Variants in FRY observed in about 807,000 individuals in gnomAD.
FRY encodes FRY microtubule binding protein.
FRY carries 128 observed loss-of-function variants against 348.4 expected under a neutral mutation model. The ratio of observed to expected loss-of-function variants is 0.37; its 90% CI spans 0.32 to 0.43. The LOEUF (loss-of-function observed/expected upper bound fraction) is 0.43. Ranked by LOEUF, FRY falls within the 20% of genes least tolerant of loss-of-function variation. FRY has a pLI of 1.00. For missense variants in FRY, 2,736 were observed against 3,695.2 expected (o/e 0.74, Z 6.73); for synonymous variants, 1,370 against 1,374.7 (o/e 1.00, Z 0.08).
At chr13:32,198,306 T>C (rs1883806497) in intron 29 of FRY, among the ~76,000 whole-genome samples, 1 of 152,178 alleles carries the variant, frequency 6.6e-6, no homozygotes, top group Non-Finnish European at 1.5e-5. Context: ...TGTATATATA[T>C]AAATGTATTA....
chr13:32,201,116 TCTGTTCCTCTA>T (rs995141217), intron 29 of FRY, among the ~76,000 whole-genome samples: 2 of 152,204 alleles, frequency 1.3e-5, no homozygotes, highest in African/African-American at 4.8e-5. Flanking sequence ...CTCGCTTCCT[TCTGTTCCTCTA>T]CTTATTTTAT....
intron 55 of FRY, among the ~76,000 whole-genome samples, chr13:32,274,602 G>T (rs917551126): frequency 6.6e-6 from 1 of 150,918 alleles, no homozygotes; most frequent in Non-Finnish European, 1.5e-5. Flanking sequence ...TACTCGGGAG[G>T]CTGAGGCAGG....
At chr13:32,182,404 A>G (rs1006557504) in intron 23 of FRY, among the ~76,000 whole-genome samples, 1 of 152,202 alleles carries the variant, frequency 6.6e-6, no homozygotes, top group Non-Finnish European at 1.5e-5. Context: ...TATTTATTAT[A>G]TAGTGGAAAT....
intron 35 of FRY, among the ~76,000 whole-genome samples, chr13:32,212,926 A>G (rs1454792265): frequency 6.6e-6 from 1 of 152,064 alleles, no homozygotes; most frequent in Non-Finnish European, 1.5e-5. Context: ...TGCCTTGCCT[A>G]TGAACTACTC....
chr13:32,258,301 T>C (rs949601865), intron 51 of FRY, among the ~76,000 whole-genome samples: 1 of 152,226 alleles, frequency 6.6e-6, no homozygotes, highest in Non-Finnish European at 1.5e-5. Context: ...GGATGGGTTT[T>C]ATTGTTAAAT....
At chr13:32,127,175 C>G (rs1879070689) in intron 7 of FRY, among the ~76,000 whole-genome samples, 1 of 152,096 alleles carries the variant, frequency 6.6e-6, no homozygotes, top group African/African-American at 2.4e-5. Flanking sequence ...ATTTAAGAAT[C>G]ATAGATTTTT....
Position 32,154,708 on chromosome 13 carries a change from A to G in FRY, c.1480-783A>G, listed in dbSNP as rs1006076641. Among the ~76,000 whole-genome samples, 8 of 152,342 alleles carry G rather than the reference A, an allele frequency of 5.3e-5. No individual in the cohort carries two copies. In the East Asian group the frequency reaches 1.5e-3, roughly 29 times the overall value. On this transcript the variant is annotated intron_variant, in intron 14 of 60. Coordinates refer to ENST00000542859, the MANE Select transcript of FRY (RefSeq NM_023037.3). ...ATCGTCATTATTTTCTTCCATAGGT[A>G]GTAGTATACTTGGGGAACTTACTAC...
At chr13:32,264,708 A>G (rs1887831143) in intron 53 of FRY, among the ~76,000 whole-genome samples, 1 of 152,116 alleles carries the variant, frequency 6.6e-6, no homozygotes, top group Non-Finnish European at 1.5e-5. Context: ...GAGCCCTTTC[A>G]TTGTCCTGCT....
intron 46 of FRY, among the ~76,000 whole-genome samples, chr13:32,240,506 G>C (rs1344788496): frequency 6.6e-6 from 1 of 152,108 alleles, no homozygotes; most frequent in Admixed American, 6.6e-5. Context: ...TTTAAAACTG[G>C]AATGGTACTT....
At chr13:32,264,247 T>G (rs1395326404) in intron 53 of FRY, among the ~76,000 whole-genome samples, 1 of 152,202 alleles carries the variant, frequency 6.6e-6, no homozygotes, top group Non-Finnish European at 1.5e-5. Context: ...TTGGCAGCAC[T>G]GTAGTTTTAA....
intron 44 of FRY, among the ~76,000 whole-genome samples, chr13:32,238,751 A>G (rs1471213292): frequency 6.6e-6 from 1 of 152,192 alleles, no homozygotes; most frequent in Non-Finnish European, 1.5e-5. Context: ...TGCCCAGCCA[A>G]CAAACCAGAT....
chr13:32,180,493 C>T (rs959471726), intron 23 of FRY, among the ~76,000 whole-genome samples: 4 of 152,234 alleles, frequency 2.6e-5, no homozygotes, highest in Non-Finnish European at 5.9e-5. Context: ...CCTCAGCCCC[C>T]CAAAGTGCTG....
intron 2 of FRY, among the ~76,000 whole-genome samples, chr13:32,100,370 C>T (rs373075921): frequency 2.6e-5 from 4 of 151,960 alleles, no homozygotes; most frequent in Admixed American, 6.6e-5. Context: ...TGAGCCAATG[C>T]ACCTGGCCGT....
intron 32 of FRY, 112 bp downstream of exon 32, chr13:32,209,221 G>A (rs1884536037): frequency 4.2e-6 from 5 of 1,199,648 alleles, no homozygotes; most frequent in Non-Finnish European, 6.1e-6. Context: ...ACATGACTGG[G>A]GATAAATAGT....
chr13:32,134,583 T>C (rs551075515), intron 8 of FRY, among the ~76,000 whole-genome samples: 3 of 152,216 alleles, frequency 2.0e-5, no homozygotes, highest in East Asian at 1.9e-4. Flanking sequence ...TAGAAATGTA[T>C]TGGAAGTGAA....
chr13:32,089,202 G>A (rs1180236134), intron 2 of FRY, among the ~76,000 whole-genome samples: 4 of 151,904 alleles, frequency 2.6e-5, no homozygotes, highest in South Asian at 2.1e-4. Context: ...TGATTTCTAC[G>A]GTCATGCTAA....
At chr13:32,100,695 A>G (rs1004028100) in intron 2 of FRY, among the ~76,000 whole-genome samples, 2 of 152,190 alleles carry the variant, frequency 1.3e-5, no homozygotes, top group Non-Finnish European at 2.9e-5. Flanking sequence ...TGCTATAACA[A>G]ATTACTATAA....
rs41300588 is a variant in FRY at position 32,184,585 on chromosome 13, C to T, written c.3055-15C>T. On this transcript the variant is annotated splice_polypyrimidine_tract_variant and intron_variant, in intron 24 of 60. Coordinates refer to ENST00000542859, the MANE Select transcript of FRY (RefSeq NM_023037.3). ...TTGCCTGTGTCTGTAAGTGATACTA[C>T]CTCTTTCTACACAGAACAAGAAACG... 80,194 of 1,550,298 alleles carry T rather than the reference C, an allele frequency of 0.052. 2,289 individuals are homozygous for T. Among genetic ancestry groups the T allele is most frequent in the East Asian group, 0.064 (2,839 of 44,518 alleles).
chr13:32,145,268 C>G (rs75588063), intron 11 of FRY, among the ~76,000 whole-genome samples: 1 of 151,982 alleles, frequency 6.6e-6, no homozygotes, highest in South Asian at 2.1e-4. Context: ...GGATTATAAT[C>G]GGTGTAAGAT....
Sources: allele counts gnomAD v4.1 joint callset (sites outside exome capture counted in the v4.1 genomes callset), GRCh38; gene constraint gnomAD v4.1.1; transcripts MANE v1.5; gene names NCBI Gene and HGNC (gene_info 2026-07-23, HGNC 2026-07-21).